The following TTC23 variants were observed in gnomAD, a reference collection of about 807,000 sequenced individuals.
TTC23 encodes the protein tetratricopeptide repeat protein 23.
In TTC23, 58 loss-of-function variants were observed where a neutral mutation model predicts 55.1. The ratio of observed to expected loss-of-function variants is 1.05; its 90% CI spans 0.85 to 1.31. TTC23 has a LOEUF of 1.31. TTC23 is among the 50% of genes most tolerant of loss of function. TTC23 has a pLI of 0.00. For missense variants in TTC23, 516 were observed against 534.4 expected (o/e 0.97, Z 0.34); for synonymous variants, 203 against 199.9 (o/e 1.02, Z -0.13).
At chr15:99,234,394 G>A (rs996140152) in intron 4 of TTC23, among the ~76,000 whole-genome samples, 16 of 151,896 alleles carry the variant, frequency 1.1e-4, no homozygotes, top group South Asian at 2.1e-4. Context: ...TTTTTGAGAC[G>A]GAGTCTCGCT....
chr15:99,151,173 A>G (rs2069678023), intron 12 of TTC23: 1 of 152,178 alleles, frequency 6.6e-6, no homozygotes, highest in Non-Finnish European at 1.5e-5. Context: ...ATGTGCCAAA[A>G]ACAGGGAGGG....
At chr15:99,222,266 T>C (rs1456690729) in intron 5 of TTC23, among the ~76,000 whole-genome samples, 1 of 152,130 alleles carries the variant, frequency 6.6e-6, no homozygotes, top group Non-Finnish European at 1.5e-5. Context: ...TTTGTGTGTG[T>C]GTGTATGTGT....
chr15:99,158,449 C>CT (rs1417383042), intron 11 of TTC23: 1 of 152,146 alleles, frequency 6.6e-6, no homozygotes, highest in East Asian at 1.9e-4. Context: ...TTCTAGGAAA[C>CT]TGAGATAGTA....
At chr15:99,222,124 T>A (rs1032273803) in intron 5 of TTC23, among the ~76,000 whole-genome samples, 1 of 151,970 alleles carries the variant, frequency 6.6e-6, no homozygotes, top group Non-Finnish European at 1.5e-5. Flanking sequence ...AAAAAAGAAA[T>A]AGAATTTAAA....
intron 2 of TTC23, among the ~76,000 whole-genome samples, chr15:99,244,235 A>C (rs532604070): frequency 6.6e-6 from 1 of 152,376 alleles, no homozygotes; most frequent in South Asian, 2.1e-4. Flanking sequence ...GAAACAAGGC[A>C]AGAATGATTT....
chr15:99,185,778 G>A (rs1181982327), intron 9 of TTC23, among the ~76,000 whole-genome samples: 1 of 152,218 alleles, frequency 6.6e-6, no homozygotes, highest in Non-Finnish European at 1.5e-5. Flanking sequence ...CTGCGGCAGA[G>A]GGAGGGATGA....
At chr15:99,218,239 G>T (rs1339731311) in intron 8 of TTC23, among the ~76,000 whole-genome samples, 1 of 152,194 alleles carries the variant, frequency 6.6e-6, no homozygotes, top group Non-Finnish European at 1.5e-5. Flanking sequence ...AACTCAACCT[G>T]TTGAAGCATT....
intron 4 of TTC23, among the ~76,000 whole-genome samples, chr15:99,234,386 T>TTTATTTA (rs1567554662): frequency 7.4e-4 from 112 of 152,114 alleles, no homozygotes; most frequent in Non-Finnish European, 5.4e-4. Flanking sequence ...TTATTTATTT[T>TTTATTTA]TTGAGACGGA....
intron 12 of TTC23, among the ~76,000 whole-genome samples, chr15:99,149,359 A>G (rs1168035319): frequency 1.3e-5 from 2 of 152,194 alleles, no homozygotes; most frequent in African/African-American, 4.8e-5. Context: ...TGCCAATGCC[A>G]TTGTTTTCAG....
chr15:99,146,572 T>C (rs1256080237), intron 12 of TTC23, among the ~76,000 whole-genome samples: 3 of 152,250 alleles, frequency 2.0e-5, no homozygotes, highest in African/African-American at 7.2e-5. Flanking sequence ...CAGGATGGTC[T>C]GTCCAGACCC....
intron 10 of TTC23, among the ~76,000 whole-genome samples, chr15:99,168,261 T>G (rs1359701325): frequency 1.3e-5 from 2 of 152,180 alleles, no homozygotes; most frequent in Non-Finnish European, 2.9e-5. Flanking sequence ...AGTGATCCAA[T>G]GGCAGCAGAC....
intron 13 of TTC23, 145 bp from the exon 14 acceptor site, chr15:99,138,272 C>T: frequency 2.1e-6 from 2 of 965,646 alleles, no homozygotes; most frequent in South Asian, 1.8e-5. Context: ...AATTGTAGCA[C>T]AGAGCATAAA....
At position 99,175,274 on chromosome 15, in the gene TTC23, T is replaced by C. The variant is rs377144054; in HGVS notation, c.760-119A>G. ...GAACTTTCCAGCAAGCTAGAAGAAA[T>C]GATTTATGTGGAAGTGAAATCAACT... is the stretch of plus-strand genomic sequence containing the variant. On this transcript the variant is annotated intron_variant, in intron 9 of 13. Coordinates refer to ENST00000394132, the MANE Select transcript of TTC23 (RefSeq NM_001288615.3). 980 of 768,720 alleles carry C rather than the reference T, an allele frequency of 1.3e-3. 1 individual carries two copies. The highest frequency in any genetic ancestry group is 1.7e-3 in the Non-Finnish European group (829 of 475,282). 47.6% of individuals were successfully genotyped at this position (768,720 alleles called of 1,614,324 possible).
chr15:99,222,468 G>A (rs1480757893), intron 5 of TTC23, among the ~76,000 whole-genome samples: 1 of 152,130 alleles, frequency 6.6e-6, no homozygotes, highest in Admixed American at 6.6e-5. Flanking sequence ...GGTAGAGATG[G>A]GATTTTGCCA....
chr15:99,201,546 T>G (rs2076200839), intron 8 of TTC23, among the ~76,000 whole-genome samples: 1 of 152,202 alleles, frequency 6.6e-6, no homozygotes, highest in South Asian at 2.1e-4. Context: ...AGGAATTAAC[T>G]GATAGAAGTA....
At position 99,137,780 on chromosome 15, in the gene TTC23, C is replaced by T. The variant is rs2067708848; in HGVS notation, c.*230G>A. On this transcript the variant is annotated 3_prime_UTR_variant, in exon 14 of 14. Transcript: ENST00000394132. ...AAATTCTTGTTGGCAAGAAAAACCACTTAGGTGATAGAAAACTGCTTTATA... is the reference window on the plus strand; with the variant it reads ...AAATTCTTGTTGGCAAGAAAAACCATTTAGGTGATAGAAAACTGCTTTATA... The T allele has an allele frequency of 1.6e-6, 1 of 609,098 alleles. No homozygotes were observed. The highest frequency in any genetic ancestry group is 3.1e-5 in the Admixed American group (1 of 31,804). 37.7% of individuals were successfully genotyped at this position (609,098 alleles called of 1,614,324 possible). A position where few individuals can be genotyped will look rare whatever the true frequency, so the allele number is the denominator to read the frequency against.
At chr15:99,238,001 T>C (rs1451508871) in intron 3 of TTC23, among the ~76,000 whole-genome samples, 1 of 152,218 alleles carries the variant, frequency 6.6e-6, no homozygotes, top group African/African-American at 2.4e-5. Context: ...AGTCTCACTC[T>C]GTCACCCAGG....
intron 4 of TTC23, among the ~76,000 whole-genome samples, chr15:99,229,986 T>C (rs2078802118): frequency 6.6e-6 from 1 of 152,160 alleles, no homozygotes; most frequent in South Asian, 2.1e-4. Context: ...AATACTAAAA[T>C]AACCAACACC....
At chr15:99,144,864 C>T (rs1396554164) in intron 12 of TTC23, 1 of 152,130 alleles carries the variant, frequency 6.6e-6, no homozygotes, top group African/African-American at 2.4e-5. Context: ...ATTACGTCCA[C>T]GGGGGAGAAA....
Sources: allele counts gnomAD v4.1 joint callset (sites outside exome capture counted in the v4.1 genomes callset), GRCh38; gene constraint gnomAD v4.1.1; transcripts MANE v1.5; gene names NCBI Gene and HGNC (gene_info 2026-07-23, HGNC 2026-07-21).